The following TMEM140 variants were observed in gnomAD, a reference collection of about 807,000 sequenced individuals.
TMEM140 encodes transmembrane protein 140.
For missense variants in TMEM140, 236 were observed against 228.5 expected (o/e 1.03, Z -0.21); for synonymous variants, 107 against 106.8 (o/e 1.00, Z -0.01).
At chr7:135,154,038 A>G (rs986256456) in intron 1 of TMEM140, among the ~76,000 whole-genome samples, 4 of 151,740 alleles carry the variant, frequency 2.6e-5, no homozygotes, top group South Asian at 2.1e-4. Flanking sequence ...TAGAAGTTCT[A>G]TTTCTTCCTG....
In TMEM140 at chr7:135,151,984, CACT is replaced by C. The variant is rs1043942381; in HGVS notation, c.-25+3715_-25+3717del. On this transcript the variant is annotated intron_variant, in intron 1 of 1. Transcript: ENST00000275767. The surrounding 1 kb of genome is among the most constrained non-coding windows in gnomAD (Gnocchi z 4.3). ...ACTATTTGTCTTCCTAGAATCTCAC[CACT>C]GTCAGGCTGGTAGCCTGGGCTTAAC... Among the ~76,000 whole-genome samples the C allele has an allele frequency of 2.0e-5, 3 of 152,202 alleles. No individual in the cohort carries two copies. The highest frequency in any genetic ancestry group is 7.2e-5 in the African/African-American group (3 of 41,434).
In TMEM140 at chr7:135,151,483, G is replaced by A. The variant is rs1245559607; in HGVS notation, c.-25+3213G>A. 2.0e-5 allele frequency among the ~76,000 whole-genome samples: 3 copies of A among 152,160 alleles called. No homozygotes were observed. The highest frequency in any genetic ancestry group is 7.2e-5 in the African/African-American group (3 of 41,426). Reference sequence around the variant, plus strand: ...GCGCCCTTGTTCTATGCCCTGGCAAGCTCTGTTGCCCCGGCTTTATTCTGC... The same window carrying A: ...GCGCCCTTGTTCTATGCCCTGGCAAACTCTGTTGCCCCGGCTTTATTCTGC... On this transcript the variant is annotated intron_variant, in intron 1 of 1. Transcript: ENST00000275767. This position sits in a 1 kb window ranked among gnomAD's most constrained non-coding sequence, Gnocchi z 4.3.
chr7:135,166,108 C>T lies in TMEM140; in HGVS notation c.*1109C>T, dbSNP rs1057101736. On this transcript the variant is annotated 3_prime_UTR_variant, in exon 2 of 2. Transcript: ENST00000275767. Reference sequence around the variant, plus strand: ...GCAGCTCGTTTGCTTTCTAGGCTGGCTGGAGAGGTGGGAGCTCATTGATAG... The same window carrying T: ...GCAGCTCGTTTGCTTTCTAGGCTGGTTGGAGAGGTGGGAGCTCATTGATAG... The T allele has an allele frequency of 1.3e-5, 2 of 152,628 alleles. No homozygotes were observed. Among genetic ancestry groups the T allele is most frequent in the African/African-American group, 4.8e-5 (2 of 41,456 alleles). 9.5% of individuals were successfully genotyped at this position (152,628 alleles called of 1,614,324 possible).
chr7:135,157,230 A>G (rs1829817646), intron 1 of TMEM140, among the ~76,000 whole-genome samples: 1 of 152,140 alleles, frequency 6.6e-6, no homozygotes, highest in Non-Finnish European at 1.5e-5. Flanking sequence ...TTGCTTTTAT[A>G]AGGGAGAATT....
At chr7:135,156,123 T>C (rs1020296075) in intron 1 of TMEM140, among the ~76,000 whole-genome samples, 38 of 152,292 alleles carry the variant, frequency 2.5e-4, no homozygotes, top group Admixed American at 2.2e-3. Context: ...ATTGGTCTGA[T>C]GAGATTTGGG....
chr7:135,155,627 C>T (rs1364751), intron 1 of TMEM140, among the ~76,000 whole-genome samples: 145,345 of 152,264 alleles, frequency 0.95, 69,685 homozygotes, highest in Non-Finnish European at 1. Flanking sequence ...CAGGCAGGGG[C>T]ATTAATTGAT....
intron 1 of TMEM140, among the ~76,000 whole-genome samples, chr7:135,162,874 T>C (rs922969975): frequency 1.3e-5 from 2 of 152,086 alleles, no homozygotes; most frequent in Non-Finnish European, 2.9e-5. Context: ...TAAAACGGAG[T>C]GAAAAGAATT....
rs2288237 is a variant in TMEM140 at position 135,164,825 on chromosome 7, A to C, written c.384A>C (p.Ala128=). Residue 128 remains alanine, a synonymous_variant, in exon 2 of 2, where the codon GCA becomes GCC. Transcript: ENST00000275767. The part of the protein sequence containing the change: ...GFLAVSSVLL[A]GGLGLFLSYV... ...TGGCTGTGTCCTCTGTGCTGCTGGCAGGCGGCCTGGGCCTCTTCCTCTCCT... is the reference window on the plus strand; with the variant it reads ...TGGCTGTGTCCTCTGTGCTGCTGGCCGGCGGCCTGGGCCTCTTCCTCTCCT... 0.5 allele frequency: 813,396 copies of C among 1,613,762 alleles called. 208,685 individuals are homozygous for C. The highest frequency in any genetic ancestry group is 0.65 in the South Asian group (59,364 of 91,068).
At chr7:135,149,144 T>C (rs941782330) in intron 1 of TMEM140, among the ~76,000 whole-genome samples, 13 of 152,218 alleles carry the variant, frequency 8.5e-5, no homozygotes, top group African/African-American at 3.1e-4. Context: ...GTCCCTGCTT[T>C]ATCTAATTAC....
intron 1 of TMEM140, among the ~76,000 whole-genome samples, chr7:135,156,862 T>C (rs1585349656): frequency 6.6e-6 from 1 of 152,034 alleles, no homozygotes; most frequent in Non-Finnish European, 1.5e-5. Flanking sequence ...CCAGGGGAGG[T>C]AACTGAATCA....
At chr7:135,152,853 T>G (rs1188544598) in intron 1 of TMEM140, 1 of 152,194 alleles carries the variant, frequency 6.6e-6, no homozygotes, top group Non-Finnish European at 1.5e-5. Flanking sequence ...TTAAAACATG[T>G]AAGTTCCATG....
rs1044138370 is a variant in TMEM140 at position 135,161,375 on chromosome 7, G to A, written c.-24-3043G>A. 6.6e-6 allele frequency among the ~76,000 whole-genome samples: 1 copy of A among 152,136 alleles called. No homozygotes were observed. Among genetic ancestry groups the A allele is most frequent in the Non-Finnish European group, 1.5e-5 (1 of 68,014 alleles). On this transcript the variant is annotated intron_variant, in intron 1 of 1. Transcript: ENST00000275767. The surrounding 1 kb of genome is among the most constrained non-coding windows in gnomAD (Gnocchi z 4.1). ...CCCCAGTGTAACAGAATTCAAATGG[G>A]AAAAGTGAGAGGGAGTGTTTAAACA...
rs1450192072 is a variant in TMEM140 at position 135,149,197 on chromosome 7, TC to T, written c.-25+928del. Among the ~76,000 whole-genome samples the T allele has an allele frequency of 3.3e-5, 5 of 152,326 alleles. No individual in the cohort carries two copies. The East Asian group carries it at 7.7e-4, about 23-fold the overall frequency. On this transcript the variant is annotated intron_variant, in intron 1 of 1. Transcript: ENST00000275767. ...CCTGTTTTATAAATTTCTTTTTTTT[TC>T]ATAAATGTAGCACATAATTCTAAAA... is the stretch of plus-strand genomic sequence containing the variant.
rs1013352854 is a variant in TMEM140 at position 135,151,167 on chromosome 7, C to A, written c.-25+2897C>A. 6.6e-6 allele frequency among the ~76,000 whole-genome samples: 1 copy of A among 152,144 alleles called. No individual in the cohort carries two copies. The highest frequency in any genetic ancestry group is 2.4e-5 in the African/African-American group (1 of 41,430). On this transcript the variant is annotated intron_variant, in intron 1 of 1. Transcript: ENST00000275767. This position sits in a 1 kb window ranked among gnomAD's most constrained non-coding sequence, Gnocchi z 4.3. ...GGAATAATTAAGTAAATCAAAACAT[C>A]ACAGCATTCATTAAAAACTTGGTGG...
intron 1 of TMEM140, among the ~76,000 whole-genome samples, chr7:135,152,596 C>T (rs182348022): frequency 9.2e-5 from 14 of 152,316 alleles, no homozygotes; most frequent in Non-Finnish European, 1.5e-5. Flanking sequence ...ATAGTAAATT[C>T]TCAAGAGATT....
chr7:135,152,033 T>C (rs542566104), intron 1 of TMEM140, among the ~76,000 whole-genome samples: 25 of 152,238 alleles, frequency 1.6e-4, no homozygotes, highest in Non-Finnish European at 2.8e-4. Context: ...CTCAGTTTTC[T>C]CTCTATCGTA....
intron 1 of TMEM140, among the ~76,000 whole-genome samples, chr7:135,157,840 T>C (rs1020585562): frequency 7.2e-5 from 11 of 152,210 alleles, no homozygotes; most frequent in African/African-American, 1.2e-4. Context: ...TGCAGCCACA[T>C]TGCCTGATTG....
chr7:135,157,987 C>G (rs1829836465), intron 1 of TMEM140, among the ~76,000 whole-genome samples: 1 of 151,740 alleles, frequency 6.6e-6, no homozygotes, highest in Non-Finnish European at 1.5e-5. Context: ...CTACTTGAGT[C>G]TCGGTCTCAC....
chr7:135,160,737 AAAAAAAAAAAC>A (rs1829911818), intron 1 of TMEM140, among the ~76,000 whole-genome samples: 1 of 150,648 alleles, frequency 6.6e-6, no homozygotes, highest in African/African-American at 2.4e-5. Flanking sequence ...CGCTCATTTA[AAAAAAAAAAAC>A]AAAAAAAAGA....
Sources: allele counts gnomAD v4.1 joint callset (sites outside exome capture counted in the v4.1 genomes callset), GRCh38; gene constraint gnomAD v4.1.1; non-coding constraint Gnocchi (gnomAD v3.1); transcripts MANE v1.5; gene names NCBI Gene and HGNC (gene_info 2026-07-23, HGNC 2026-07-21).